MAGI2: variants seen among roughly 807,000 people sequenced by gnomAD.
The protein encoded by MAGI2 is membrane-associated guanylate kinase, WW and PDZ domain-containing protein 2.
In MAGI2, 35 loss-of-function variants were observed where a neutral mutation model predicts 133.3. That is an observed-to-expected ratio of 0.26 (90% CI 0.20 to 0.35). The LOEUF is 0.35. Ranked by LOEUF, MAGI2 falls within the 10% of genes least tolerant of loss-of-function variation. The pLI, the probability that MAGI2 is intolerant of heterozygous loss-of-function variation, is 1.00. For synonymous variants in MAGI2, 729 were observed against 710.6 expected (o/e 1.03, Z -0.41); for missense variants, 1,636 against 1,863.4 (o/e 0.88, Z 2.25).
In MAGI2 at chr7:79,047,437, A is replaced by C. The variant is rs139263948; in HGVS notation, c.302-40231T>G. On this transcript the variant is annotated intron_variant, in intron 1 of 21. Coordinates refer to ENST00000354212, the MANE Select transcript of MAGI2 (RefSeq NM_012301.4). ...CAAGTACAAAATAATAATATGGCAC[A>C]GTTCTTTATTGACCTACTATTATGG... Among the ~76,000 whole-genome samples, 188 of 152,272 alleles carry C rather than the reference A, an allele frequency of 1.2e-3. 2 individuals are homozygous for C. The highest frequency in any genetic ancestry group is 4.4e-3 in the African/African-American group (181 of 41,584).
intron 2 of MAGI2, among the ~76,000 whole-genome samples, chr7:78,755,469 T>A (rs528344738): frequency 1.1e-4 from 16 of 152,350 alleles, no homozygotes; most frequent in Admixed American, 3.9e-4. Flanking sequence ...GTCTATGGGC[T>A]TAAATACGTG....
In MAGI2 at chr7:78,497,766, T is replaced by TCTATCTGTCTGTCTATCTATCTA. The variant is rs1385517709; in HGVS notation, c.965+3810_965+3811insTAGATAGATAGACAGACAGATAG. Among the ~76,000 whole-genome samples, 214 of 135,418 alleles carry TCTATCTGTCTGTCTATCTATCTA rather than the reference T, an allele frequency of 1.6e-3. 3 individuals are homozygous for TCTATCTGTCTGTCTATCTATCTA. Among genetic ancestry groups the TCTATCTGTCTGTCTATCTATCTA allele is most frequent in the African/African-American group, 5.4e-3 (203 of 37,530 alleles). The allele number at this position is 135,418 out of a possible 152,430, so 88.8% of individuals were successfully genotyped here. On this transcript the variant is annotated intron_variant, in intron 5 of 21. Coordinates refer to ENST00000354212, the MANE Select transcript of MAGI2 (RefSeq NM_012301.4). Reference sequence around the variant, plus strand: ...TATCTATCTATCTATCTATCTATCTTTCTATCTTATACACAGAACCAAAGA... The same window carrying TCTATCTGTCTGTCTATCTATCTA: ...TATCTATCTATCTATCTATCTATCTTCTATCTGTCTGTCTATCTATCTATCTATCTTATACACAGAACCAAAGA...
intron 10 of MAGI2, among the ~76,000 whole-genome samples, chr7:78,248,999 A>G (rs1352135889): frequency 3.3e-5 from 5 of 152,148 alleles, no homozygotes; most frequent in Non-Finnish European, 7.4e-5. Context: ...TCCAAAATAT[A>G]CAAGGAACTC....
chr7:78,363,495 A>AAAT (rs1554367009), intron 7 of MAGI2, among the ~76,000 whole-genome samples: 1 of 122,366 alleles, frequency 8.2e-6, no homozygotes, highest in Non-Finnish European at 1.8e-5. Flanking sequence ...TCCATCTCGA[A>AAAT]AATAATAATA....
At chr7:78,283,356 C>T (rs1307413181) in intron 9 of MAGI2, among the ~76,000 whole-genome samples, 1 of 151,894 alleles carries the variant, frequency 6.6e-6, no homozygotes. Context: ...AACAAGCTGT[C>T]CTTGAAAAGA....
At chr7:79,020,193 T>C (rs191045634) in intron 1 of MAGI2, among the ~76,000 whole-genome samples, 3 of 152,256 alleles carry the variant, frequency 2.0e-5, no homozygotes, top group Admixed American at 2.0e-4. Context: ...GGCATTTTGT[T>C]CCTACCTTAG....
chr7:79,415,161 GA>G (rs1420044151), intron 1 of MAGI2: 4 of 152,134 alleles, frequency 2.6e-5, no homozygotes, highest in African/African-American at 9.7e-5. Context: ...GCCTACATAA[GA>G]AAAAGCTATG....
chr7:78,332,730 G>T (rs983227179), intron 9 of MAGI2, among the ~76,000 whole-genome samples: 7 of 150,228 alleles, frequency 4.7e-5, no homozygotes, highest in Admixed American at 4.0e-4. Flanking sequence ...GAGAGTAGTG[G>T]CTAGAAAGTG....
intron 6 of MAGI2, among the ~76,000 whole-genome samples, chr7:78,405,723 C>A (rs1268671180): frequency 6.6e-6 from 1 of 151,940 alleles, no homozygotes; most frequent in Non-Finnish European, 1.5e-5. Context: ...ATAGACGATG[C>A]CTTCACAAAC....
At chr7:78,483,097 A>G (rs1425931458) in intron 6 of MAGI2, among the ~76,000 whole-genome samples, 1 of 151,798 alleles carries the variant, frequency 6.6e-6, no homozygotes, top group East Asian at 1.9e-4. Flanking sequence ...ATTGTACTGT[A>G]TTTATATAAG....
At chr7:79,378,971 T>TAC (rs1563168412) in intron 1 of MAGI2, among the ~76,000 whole-genome samples, 1 of 101,418 alleles carries the variant, frequency 9.9e-6, no homozygotes, top group East Asian at 2.4e-4. Flanking sequence ...TATATATATA[T>TAC]TAAACTTTAA....
intron 3 of MAGI2, among the ~76,000 whole-genome samples, chr7:78,621,074 G>T (rs891956451): frequency 6.6e-6 from 1 of 151,978 alleles, no homozygotes; most frequent in Admixed American, 6.6e-5. Context: ...GGCAGGATTC[G>T]CTGACTTAGA....
chr7:78,279,268 T>C (rs1795327596), intron 9 of MAGI2, among the ~76,000 whole-genome samples: 1 of 150,906 alleles, frequency 6.6e-6, no homozygotes, highest in South Asian at 2.1e-4. Flanking sequence ...AGCTTATGTC[T>C]GAACAATTTT....
At chr7:78,631,620 G>A (rs899207907) in intron 2 of MAGI2, among the ~76,000 whole-genome samples, 1 of 152,176 alleles carries the variant, frequency 6.6e-6, no homozygotes, top group Non-Finnish European at 1.5e-5. Flanking sequence ...AACTCTCATG[G>A]TATGCCAGCT....
At chr7:78,804,748 CAAAAAAAAAAA>C (rs373472835) in intron 2 of MAGI2, among the ~76,000 whole-genome samples, 5 of 97,732 alleles carry the variant, frequency 5.1e-5, no homozygotes. Flanking sequence ...GACTCTGTCT[CAAAAAAAAAAA>C]AAAAAAAAAA....
chr7:79,034,975 C>T (rs1810972364), intron 1 of MAGI2, among the ~76,000 whole-genome samples: 1 of 152,118 alleles, frequency 6.6e-6, no homozygotes, highest in African/African-American at 2.4e-5. Flanking sequence ...GACTGATATC[C>T]TAAATGTAAA....
chr7:78,383,330 A>G (rs1795093614), intron 6 of MAGI2, among the ~76,000 whole-genome samples: 1 of 152,152 alleles, frequency 6.6e-6, no homozygotes, highest in Non-Finnish European at 1.5e-5. Context: ...ATGATATCTC[A>G]CTGTGGTTTT....
chr7:78,526,820 C>T (rs1360559524), intron 3 of MAGI2, among the ~76,000 whole-genome samples: 1 of 151,610 alleles, frequency 6.6e-6, no homozygotes. Flanking sequence ...CCATCCTGGC[C>T]AACATGGTGA....
At position 78,763,474 on chromosome 7, in the gene MAGI2, G is replaced by A. The variant is rs193150382; in HGVS notation, c.419-136235C>T. ...GCGTTTCTTTACCTTAGCACACACT[G>A]AGAGAGTAATTCACACAGGTGTGTG... On this transcript the variant is annotated intron_variant, in intron 2 of 21. Transcript: ENST00000354212. 8.5e-5 allele frequency among the ~76,000 whole-genome samples: 13 copies of A among 152,256 alleles called. No homozygotes were observed. The East Asian group carries it at 2.5e-3, about 29-fold the overall frequency.
Sources: allele counts gnomAD v4.1 joint callset (sites outside exome capture counted in the v4.1 genomes callset), GRCh38; gene constraint gnomAD v4.1.1; transcripts MANE v1.5; gene names NCBI Gene and HGNC (gene_info 2026-07-23, HGNC 2026-07-21).